Variants in LARP1 observed in about 807,000 individuals in gnomAD.
LARP1 encodes La ribonucleoprotein 1, translational regulator.
A neutral mutation model predicts 122.7 loss-of-function variants in LARP1; 36 were observed. The observed-to-expected ratio is 0.29, with a 90% confidence interval of 0.22 to 0.39. LARP1 has a LOEUF of 0.39. Ranked by LOEUF, LARP1 falls within the 10% of genes least tolerant of loss-of-function variation. The probability of loss-of-function intolerance (pLI) is 1.00; values close to 1 mark genes in which losing one functional copy is unlikely to be tolerated. For missense variants in LARP1, 1,040 were observed against 1,403.6 expected (o/e 0.74, Z 4.14); for synonymous variants, 539 against 528.7 (o/e 1.02, Z -0.27).
In LARP1 at chr5:154,796,830, C is replaced by T. The variant is rs537255630; in HGVS notation, c.1377+1511C>T. 1.3e-3 allele frequency among the ~76,000 whole-genome samples: 202 copies of T among 152,282 alleles called. 1 individual carries two copies. Among genetic ancestry groups the T allele is most frequent in the South Asian group, 3.5e-3 (17 of 4,830 alleles). On this transcript the variant is annotated intron_variant, in intron 8 of 18. Transcript: ENST00000518297. ...GAAGGGCAGATTAATGTTTGATCTT[C>T]CTCCCTTTGTTAGCCAGTTTGCATA...
At chr5:154,774,464 T>C (rs1755700827) in intron 1 of LARP1, among the ~76,000 whole-genome samples, 1 of 152,200 alleles carries the variant, frequency 6.6e-6, no homozygotes, top group Non-Finnish European at 1.5e-5. Context: ...AGGTAGGATA[T>C]TGCTCAAGAT....
At chr5:154,723,817 A>G (rs375165063) in intron 1 of LARP1, among the ~76,000 whole-genome samples, 31 of 152,136 alleles carry the variant, frequency 2.0e-4, no homozygotes, top group African/African-American at 7.2e-4. Context: ...TTACTCTGCC[A>G]TATGGACTTG....
chr5:154,768,848 T>C lies in LARP1; in HGVS notation c.436+12655T>C, dbSNP rs145828916. Among the ~76,000 whole-genome samples, 1,060 of 152,314 alleles carry C rather than the reference T, an allele frequency of 7.0e-3. 14 individuals are homozygous for C. Among genetic ancestry groups the C allele is most frequent in the African/African-American group, 0.024 (993 of 41,568 alleles). ...CACCCGCCTTGGCCTCCCAAAGTGC[T>C]GTGATTACAGGCATGAACCACCTTG... On this transcript the variant is annotated intron_variant, in intron 1 of 18. Transcript: ENST00000518297.
intron 1 of LARP1, among the ~76,000 whole-genome samples, chr5:154,721,333 C>T (rs907142799): frequency 3.2e-5 from 4 of 125,322 alleles, no homozygotes; most frequent in African/African-American, 9.7e-5. Context: ...GGCAACAGAG[C>T]GAGACTCCGT....
At chr5:154,771,659 G>A (rs985063956) in intron 1 of LARP1, among the ~76,000 whole-genome samples, 103 of 152,326 alleles carry the variant, frequency 6.8e-4, no homozygotes, top group African/African-American at 2.3e-3. Flanking sequence ...CAGCCTAGAC[G>A]CCTCAACTCT....
At chr5:154,750,791 T>C (rs1753444054), upstream of LARP1, among the ~76,000 whole-genome samples, 1 of 152,032 alleles carries the variant, frequency 6.6e-6, no homozygotes, top group Admixed American at 6.6e-5. Flanking sequence ...TATTTATTTA[T>C]TTGTAGAGAC....
intron 1 of LARP1, among the ~76,000 whole-genome samples, chr5:154,703,162 T>A (rs1754800744): frequency 6.7e-6 from 1 of 150,120 alleles, no homozygotes; most frequent in African/African-American, 2.5e-5. Flanking sequence ...GGACACTGGT[T>A]AACCAGCAGA....
At chr5:154,745,629 T>C (rs1237469267) in intron 1 of LARP1, among the ~76,000 whole-genome samples, 1 of 152,170 alleles carries the variant, frequency 6.6e-6, no homozygotes, top group Non-Finnish European at 1.5e-5. Context: ...TCGAACACTT[T>C]CACAAATATT....
intron 1 of LARP1, among the ~76,000 whole-genome samples, chr5:154,746,057 C>T (rs1372587617): frequency 1.3e-5 from 2 of 152,226 alleles, no homozygotes; most frequent in Non-Finnish European, 2.9e-5. Flanking sequence ...CTTGGACTCC[C>T]AGAGTGCCTG....
At chr5:154,770,951 A>C (rs978916243) in intron 1 of LARP1, among the ~76,000 whole-genome samples, 3 of 152,058 alleles carry the variant, frequency 2.0e-5, no homozygotes, top group Admixed American at 6.6e-5. Context: ...CGTCTCTACA[A>C]AAATACAAAA....
chr5:154,724,576 A>G (rs1048987721), intron 1 of LARP1, among the ~76,000 whole-genome samples: 3 of 152,294 alleles, frequency 2.0e-5, no homozygotes, highest in African/African-American at 7.2e-5. Context: ...AATCCTGCCC[A>G]TGGAAAAATG....
At chr5:154,725,314 A>G (rs1285894081) in intron 1 of LARP1, among the ~76,000 whole-genome samples, 3 of 151,022 alleles carry the variant, frequency 2.0e-5, no homozygotes, top group Non-Finnish European at 4.4e-5. Flanking sequence ...GCTTGAACCT[A>G]GAAGGCGGAG....
chr5:154,774,861 C>T (rs563292037), intron 1 of LARP1, among the ~76,000 whole-genome samples: 1 of 152,196 alleles, frequency 6.6e-6, no homozygotes, highest in Non-Finnish European at 1.5e-5. Context: ...TGACCAAAGT[C>T]TCTCAGGTGG....
intron 1 of LARP1, among the ~76,000 whole-genome samples, chr5:154,689,325 A>G (rs7710331): frequency 0.76 from 115,311 of 152,064 alleles, 44,218 homozygotes; most frequent in African/African-American, 0.88. Context: ...TGGTGGCGGC[A>G]CTTGTAATCC....
intron 1 of LARP1, 66 bp downstream of exon 1, chr5:154,756,259 C>T: frequency 1.8e-6 from 2 of 1,108,870 alleles, no homozygotes; most frequent in Non-Finnish European, 2.3e-6. Flanking sequence ...GTCCCCTCCC[C>T]CAGCACCTCC....
rs189250188 is a variant in LARP1, at chr5:154,742,288, A to G, written c.205+29158A>G. Among the ~76,000 whole-genome samples the G allele has an allele frequency of 6.8e-3, 1,042 of 152,338 alleles. 2 individuals are homozygous for G. Among genetic ancestry groups the G allele is most frequent in the Middle Eastern group, 0.024 (7 of 294 alleles). ...AAAAAATACAAAAAAGTGGCTGGGC[A>G]TGGTGGCTCACACCTGTAATCCCAG... is the stretch of plus-strand genomic sequence containing the variant. On this transcript the variant is annotated intron_variant, in intron 1 of 18. Coordinates refer to the LARP1 transcript ENST00000336314.
Position 154,790,318 on chromosome 5 carries a change from C to T in LARP1, c.437-7C>T. On this transcript the variant is annotated splice_polypyrimidine_tract_variant and splice_region_variant and intron_variant, in intron 1 of 18. Transcript: ENST00000518297. ...GCATTACTAACTCTCCCTTCTTGTT[C>T]CCACAGAACACTCTGCTCCAGCCAA... is the stretch of plus-strand genomic sequence containing the variant. 3 of 1,611,594 alleles carry T rather than the reference C, an allele frequency of 1.9e-6. No individual in the cohort carries two copies. The highest frequency in any genetic ancestry group is 2.5e-6 in the Non-Finnish European group (3 of 1,178,718).
At chr5:154,735,688 C>G (rs1756849123) in intron 1 of LARP1, among the ~76,000 whole-genome samples, 1 of 151,636 alleles carries the variant, frequency 6.6e-6, no homozygotes, top group African/African-American at 2.4e-5. Context: ...CCTGCCTCAG[C>G]CTCCTGAGTA....
intron 1 of LARP1, among the ~76,000 whole-genome samples, chr5:154,720,654 G>T (rs1237244643): frequency 1.3e-5 from 2 of 152,072 alleles, no homozygotes; most frequent in African/African-American, 4.8e-5. Context: ...TGAGGCTGCA[G>T]TGAGCTGAGA....
Sources: allele counts gnomAD v4.1 joint callset (sites outside exome capture counted in the v4.1 genomes callset), GRCh38; gene constraint gnomAD v4.1.1; transcripts MANE v1.5; gene names NCBI Gene and HGNC (gene_info 2026-07-23, HGNC 2026-07-21).